Variants in ZFAND4 observed in about 807,000 individuals in gnomAD.
ZFAND4 encodes zinc finger AN1-type containing 4.
In ZFAND4, 43 loss-of-function variants were observed where a neutral mutation model predicts 64.4. The ratio of observed to expected loss-of-function variants is 0.67; its 90% confidence interval spans 0.52 to 0.86. The LOEUF is 0.86. Ranked by LOEUF, ZFAND4 falls within the 40% of genes least tolerant of loss-of-function variation. The pLI is 0.00. For synonymous variants in ZFAND4, 296 were observed against 305.7 expected (o/e 0.97, Z 0.33); for missense variants, 929 against 859.8 (o/e 1.08, Z -1.01).
chr10:45,663,701 A>C lies in ZFAND4; in HGVS notation c.25T>G (p.Phe9Val). The C allele has an allele frequency of 2.5e-6, 4 of 1,601,640 alleles. No individual in the cohort carries two copies. Among genetic ancestry groups the C allele is most frequent in the Non-Finnish European group, 2.5e-6 (3 of 1,177,124 alleles). Reference protein sequence around the residue: MDNRKEPPFFNDDNMGPFY... With the variant: MDNRKEPPVFNDDNMGPFY... ...GGTCCCATGTTATCATCATTGAAGA[A>C]TGGAGGCTCTTTTCTGTTATCCATT... Residue 9 changes from phenylalanine to valine, a missense_variant, in exon 2 of 10, where the codon TTC becomes GTC. Physicochemically the swap from Phe to Val is conservative, Grantham distance 50 (BLOSUM62 -1). Coordinates refer to ENST00000344646, the MANE Select transcript of ZFAND4 (RefSeq NM_174890.4).
chr10:45,624,466 ATTT>A, intron 8 of ZFAND4, 114 bp downstream of exon 8: 1 of 833,212 alleles, frequency 1.2e-6, no homozygotes, highest in Admixed American at 2.5e-5. Flanking sequence ...TAGAGACAGA[ATTT>A]ACTCTGTACA....
chr10:45,643,867 T>C (rs2047196339), intron 5 of ZFAND4, among the ~76,000 whole-genome samples: 2 of 152,146 alleles, frequency 1.3e-5, no homozygotes, highest in African/African-American at 2.4e-5. Context: ...TTTCTATTTC[T>C]GTGTGGCCCA....
chr10:45,617,989 C>T, intron 9 of ZFAND4, 151 bp downstream of exon 9: 1 of 737,438 alleles, frequency 1.4e-6, no homozygotes, highest in Non-Finnish European at 2.0e-6. Flanking sequence ...TTGTTCTTTA[C>T]TTCAGCCAAT....
chr10:45,627,819 A>G (rs1015931596), intron 6 of ZFAND4, among the ~76,000 whole-genome samples: 1 of 152,188 alleles, frequency 6.6e-6, no homozygotes, highest in African/African-American at 2.4e-5. Flanking sequence ...GTTACAACTC[A>G]CTGATAGAGG....
intron 1 of ZFAND4, among the ~76,000 whole-genome samples, chr10:45,669,342 ATC>A (rs751839120): frequency 6.6e-6 from 1 of 152,232 alleles, no homozygotes; most frequent in Non-Finnish European, 1.5e-5. Flanking sequence ...AAGAAGTGGA[ATC>A]TCTGAAGAAA....
At chr10:45,661,913 C>T (rs549375814) in intron 2 of ZFAND4, among the ~76,000 whole-genome samples, 9 of 149,458 alleles carry the variant, frequency 6.0e-5, no homozygotes, top group South Asian at 4.3e-4. Context: ...CTCCAGCCTG[C>T]GCAACAGGTG....
At chr10:45,667,989 AG>A (rs756857793) in intron 1 of ZFAND4, among the ~76,000 whole-genome samples, 6 of 152,218 alleles carry the variant, frequency 3.9e-5, no homozygotes, top group East Asian at 1.9e-4. Flanking sequence ...TTAATCATGA[AG>A]GGGTGCCAAT....
chr10:45,637,339 C>CAA (rs376511722), intron 6 of ZFAND4, among the ~76,000 whole-genome samples: 140 of 71,000 alleles, frequency 2.0e-3, no homozygotes, highest in East Asian at 0.01. Flanking sequence ...GACTCCGTCT[C>CAA]AAAAAAAAAA....
intron 1 of ZFAND4, among the ~76,000 whole-genome samples, chr10:45,668,161 A>C (rs759511864): frequency 2.6e-5 from 4 of 152,146 alleles, no homozygotes; most frequent in Non-Finnish European, 5.9e-5. Flanking sequence ...ATGTTGATGG[A>C]TTTGATCTGA....
chr10:45,657,185 T>C (rs2048184249), intron 2 of ZFAND4, among the ~76,000 whole-genome samples: 1 of 152,032 alleles, frequency 6.6e-6, no homozygotes, highest in African/African-American at 2.4e-5. Context: ...AGAAAAAATT[T>C]TTGTATTTTT....
Position 45,648,300 on chromosome 10 carries a change from C to A in ZFAND4, c.563G>T (p.Arg188Leu). 6.2e-7 allele frequency: 1 copy of A among 1,606,358 alleles called. No homozygotes were observed. Among genetic ancestry groups the A allele is most frequent in the Non-Finnish European group, 8.5e-7 (1 of 1,176,514 alleles). Residue 188 changes from arginine to leucine, a missense_variant, in exon 5 of 10, where the codon CGT becomes CTT. Arg to Leu is a moderately radical substitution (Grantham distance 102). Coordinates refer to ENST00000344646, the MANE Select transcript of ZFAND4 (RefSeq NM_174890.4). The part of the protein sequence containing the change: ...LHVLRRKGEH[R>L]MSGGSMYNSD... ...ACAAAAGTTTATGGAGTACCTCATA[C>A]GATGTTCTCCTTTTCTCCGTAGGAC... is the stretch of plus-strand genomic sequence containing the variant.
Position 45,617,591 on chromosome 10 carries a change from G to GGAAA in ZFAND4, c.2048+548_2048+549insTTTC, listed in dbSNP as rs771265046. 5.1e-3 allele frequency among the ~76,000 whole-genome samples: 362 copies of GGAAA among 71,074 alleles called. 3 individuals carry two copies. Among genetic ancestry groups the GGAAA allele is most frequent in the African/African-American group, 0.017 (320 of 18,534 alleles). 46.6% of individuals were successfully genotyped at this position (71,074 alleles called of 152,430 possible). On this transcript the variant is annotated intron_variant, in intron 9 of 9. Coordinates refer to ENST00000344646, the MANE Select transcript of ZFAND4 (RefSeq NM_174890.4). ...TCCAGTGAGTTATGATTACAGTACTGAAAAAAAAAAAAAAAAAAAAAAGTC... is the reference window on the plus strand; with the variant it reads ...TCCAGTGAGTTATGATTACAGTACTGGAAAAAAAAAAAAAAAAAAAAAAAAAGTC...
intron 2 of ZFAND4, among the ~76,000 whole-genome samples, chr10:45,660,018 T>C (rs780484188): frequency 2.0e-5 from 3 of 151,662 alleles, no homozygotes; most frequent in Non-Finnish European, 4.4e-5. Context: ...TCTACTAAAA[T>C]ACAAAAAATT....
intron 2 of ZFAND4, among the ~76,000 whole-genome samples, chr10:45,654,172 A>T (rs1276523453): frequency 6.6e-6 from 1 of 152,162 alleles, no homozygotes; most frequent in Non-Finnish European, 1.5e-5. Flanking sequence ...CTACATGGGG[A>T]GGGAAGGGGA....
At chr10:45,632,834 T>C (rs1358129154) in intron 6 of ZFAND4, among the ~76,000 whole-genome samples, 1 of 152,156 alleles carries the variant, frequency 6.6e-6, no homozygotes, top group Non-Finnish European at 1.5e-5. Context: ...AATTTCAAGC[T>C]GGCTCACAAA....
intron 3 of ZFAND4, among the ~76,000 whole-genome samples, chr10:45,652,337 G>C (rs2047812736): frequency 6.6e-6 from 1 of 152,124 alleles, no homozygotes; most frequent in South Asian, 2.1e-4. Context: ...AACAAAAGTG[G>C]CATGCCGGAG....
intron 8 of ZFAND4, among the ~76,000 whole-genome samples, chr10:45,624,156 T>G (rs975068080): frequency 2.0e-5 from 3 of 152,226 alleles, no homozygotes; most frequent in African/African-American, 4.8e-5. Flanking sequence ...GACTGTCCCT[T>G]TCTTTTATCC....
Position 45,616,539 on chromosome 10 carries a change from T to A in ZFAND4, c.2081A>T (p.Tyr694Phe). The part of the protein sequence containing the change: ...CGNNFCASHR[Y>F]AETHGCTYDY... ...ATAGGTACAGCCATGAGTTTCTGCA[T>A]AACGATGAGATGCACAGAAGTTGTT... The change falls in exon 10 of 10, where the codon TAT (tyrosine) becomes TTT (phenylalanine). Residue 694 changes from tyrosine to phenylalanine, a missense_variant. Physicochemically the swap from Tyr to Phe is conservative, Grantham distance 22. Coordinates refer to ENST00000344646, the MANE Select transcript of ZFAND4 (RefSeq NM_174890.4). 6.2e-7 allele frequency: 1 copy of A among 1,614,138 alleles called. No homozygotes were observed. The highest frequency in any genetic ancestry group is 8.5e-7 in the Non-Finnish European group (1 of 1,180,006).
intron 4 of ZFAND4, chr10:45,648,829 A>G (rs2047568107): frequency 3.1e-6 from 2 of 646,966 alleles, no homozygotes; most frequent in Non-Finnish European, 3.8e-6. Flanking sequence ...TTTTTTCCCT[A>G]TGTCACTAGA....
Sources: gnomAD v4.1 joint callset for allele counts (sites outside exome capture counted in the v4.1 genomes callset) on GRCh38, gnomAD v4.1.1 for gene constraint, MANE v1.5 for transcripts, NCBI Gene and HGNC (gene_info 2026-07-23, HGNC 2026-07-21) for gene names.